The following ARHGAP15 variants were observed in gnomAD, a reference collection of about 807,000 sequenced individuals.
ARHGAP15 encodes rho GTPase-activating protein 15.
In ARHGAP15, 51 loss-of-function variants were observed where a neutral mutation model predicts 63.7. The ratio of observed to expected loss-of-function variants is 0.80; its 90% CI spans 0.64 to 1.01. The LOEUF is 1.01. ARHGAP15 is among the 50% of genes least tolerant of loss of function. ARHGAP15 has a pLI of 0.00. For missense variants in ARHGAP15, 560 were observed against 564.6 expected (o/e 0.99, Z 0.08); for synonymous variants, 191 against 193.8 (o/e 0.99, Z 0.12).
At chr2:143,752,459 C>T (rs1686416109) in intron 13 of ARHGAP15, among the ~76,000 whole-genome samples, 1 of 152,176 alleles carries the variant, frequency 6.6e-6, no homozygotes, top group Admixed American at 6.5e-5. Flanking sequence ...TGAGTTTTCA[C>T]AATTGGGCTG....
chr2:143,193,068 A>G (rs566641705), intron 2 of ARHGAP15, among the ~76,000 whole-genome samples: 4 of 152,344 alleles, frequency 2.6e-5, no homozygotes, highest in African/African-American at 9.6e-5. Context: ...ACATTTGGAC[A>G]TACCTGTACA....
chr2:143,261,648 G>T (rs541242149), intron 6 of ARHGAP15, among the ~76,000 whole-genome samples: 2 of 151,950 alleles, frequency 1.3e-5, no homozygotes, highest in African/African-American at 4.8e-5. Context: ...GTGCCTGGCC[G>T]ACCCTTTTCG....
chr2:143,438,503 TAA>T (rs927231601), intron 8 of ARHGAP15, among the ~76,000 whole-genome samples: 7 of 152,290 alleles, frequency 4.6e-5, no homozygotes, highest in African/African-American at 1.7e-4. Context: ...CTTTTGAAAT[TAA>T]GTCTTTATGC....
chr2:143,358,946 A>C (rs931262452), intron 6 of ARHGAP15, among the ~76,000 whole-genome samples: 1 of 151,990 alleles, frequency 6.6e-6, no homozygotes, highest in Non-Finnish European at 1.5e-5. Flanking sequence ...CCAACTGATA[A>C]AATGCATACA....
At chr2:143,644,236 G>T (rs1364594370) in intron 12 of ARHGAP15, among the ~76,000 whole-genome samples, 1 of 152,064 alleles carries the variant, frequency 6.6e-6, no homozygotes, top group Non-Finnish European at 1.5e-5. Context: ...AATGGTAATA[G>T]ACTGGGGGTA....
chr2:143,321,625 G>A (rs946379441), intron 6 of ARHGAP15, among the ~76,000 whole-genome samples: 1 of 152,230 alleles, frequency 6.6e-6, no homozygotes, highest in Non-Finnish European at 1.5e-5. Context: ...AGAAGGGCCT[G>A]GGCCCCATAA....
intron 11 of ARHGAP15, among the ~76,000 whole-genome samples, chr2:143,621,323 T>A (rs999115871): frequency 1.2e-4 from 18 of 152,266 alleles, no homozygotes; most frequent in African/African-American, 3.9e-4. Flanking sequence ...AGAAAATGCT[T>A]ATCAAATAAT....
At position 143,221,545 on chromosome 2, in the gene ARHGAP15, C is replaced by T. The variant is rs78383378; in HGVS notation, c.296+5100C>T. Among the ~76,000 whole-genome samples, 1,445 of 152,222 alleles carry T rather than the reference C, an allele frequency of 9.5e-3. 31 individuals carry two copies. Among genetic ancestry groups the T allele is most frequent in the African/African-American group, 0.033 (1,370 of 41,518 alleles). On this transcript the variant is annotated intron_variant, in intron 4 of 13. Coordinates refer to ENST00000295095, the MANE Select transcript of ARHGAP15 (RefSeq NM_018460.4). ...AGGAATTTCTTCATTTGGGGAATTC[C>T]GTCCCCAAACCTGTAAGTAACCCTG... is the stretch of plus-strand genomic sequence containing the variant.
chr2:143,410,467 C>A (rs1347414780), intron 6 of ARHGAP15, among the ~76,000 whole-genome samples: 4 of 152,284 alleles, frequency 2.6e-5, no homozygotes, highest in Middle Eastern at 6.8e-3. Flanking sequence ...TACCTATAGT[C>A]TATCCTGGAG....
At position 143,546,464 on chromosome 2, in the gene ARHGAP15, A is replaced by G. The variant is rs192465254; in HGVS notation, c.926-9944A>G. ...AGTCTCTTGCTAAAATTAAAAAAAA[A>G]AGTGTATGTAGGCACAGAGTACAGA... is the stretch of plus-strand genomic sequence containing the variant. On this transcript the variant is annotated intron_variant, in intron 10 of 13. Coordinates refer to ENST00000295095, the MANE Select transcript of ARHGAP15 (RefSeq NM_018460.4). 8.4e-3 allele frequency among the ~76,000 whole-genome samples: 1,273 copies of G among 152,226 alleles called. 9 individuals carry two copies. Among genetic ancestry groups the G allele is most frequent in the Non-Finnish European group, 0.012 (813 of 67,996 alleles).
chr2:143,527,244 A>G (rs1694319049), intron 10 of ARHGAP15, among the ~76,000 whole-genome samples: 1 of 152,090 alleles, frequency 6.6e-6, no homozygotes, highest in Admixed American at 6.6e-5. Context: ...ACAGTGGTCT[A>G]TATGAATGAA....
chr2:143,695,830 C>A (rs560680698), intron 12 of ARHGAP15, among the ~76,000 whole-genome samples: 1 of 151,576 alleles, frequency 6.6e-6, no homozygotes, highest in East Asian at 1.9e-4. Context: ...CCACTGCACT[C>A]CAGCCTGGGT....
intron 9 of ARHGAP15, among the ~76,000 whole-genome samples, chr2:143,508,981 A>G (rs185513748): frequency 9.8e-5 from 15 of 152,324 alleles, no homozygotes; most frequent in Admixed American, 5.2e-4. Context: ...AGGGCTGGGA[A>G]GAACTTTTCT....
At chr2:143,204,459 C>T (rs546950520) in intron 3 of ARHGAP15, among the ~76,000 whole-genome samples, 143 of 152,144 alleles carry the variant, frequency 9.4e-4, no homozygotes, top group African/African-American at 3.4e-3. Flanking sequence ...TATCCTCACA[C>T]GGCAAAAAGA....
chr2:143,509,544 A>AT (rs780685570), intron 9 of ARHGAP15, among the ~76,000 whole-genome samples: 2 of 152,168 alleles, frequency 1.3e-5, no homozygotes, highest in East Asian at 1.9e-4. Context: ...CATTAGGCGT[A>AT]TTTTTTCTGT....
chr2:143,677,972 C>T (rs188315080), intron 12 of ARHGAP15, among the ~76,000 whole-genome samples: 99 of 152,264 alleles, frequency 6.5e-4, no homozygotes, highest in Non-Finnish European at 1.1e-3. Context: ...CTTTGGGAGG[C>T]CAAGGCGGGC....
At chr2:143,475,011 G>T (rs1458772043) in intron 8 of ARHGAP15, among the ~76,000 whole-genome samples, 1 of 152,114 alleles carries the variant, frequency 6.6e-6, no homozygotes, top group East Asian at 1.9e-4. Context: ...TCACACACAT[G>T]GTGACCACCA....
chr2:143,136,192 A>G (rs754173956), intron 1 of ARHGAP15, among the ~76,000 whole-genome samples: 1 of 152,112 alleles, frequency 6.6e-6, no homozygotes, highest in African/African-American at 2.4e-5. Context: ...CCAAAGTTTC[A>G]TCTAGTTTAT....
At chr2:143,696,686 T>C (rs1683862318) in intron 12 of ARHGAP15, among the ~76,000 whole-genome samples, 1 of 152,182 alleles carries the variant, frequency 6.6e-6, no homozygotes, top group Non-Finnish European at 1.5e-5. Flanking sequence ...GTTCCCATTT[T>C]TTAAATTCTT....
Sources: gnomAD v4.1 joint callset for allele counts (sites outside exome capture counted in the v4.1 genomes callset) on GRCh38, gnomAD v4.1.1 for gene constraint, MANE v1.5 for transcripts, NCBI Gene and HGNC (gene_info 2026-07-23, HGNC 2026-07-21) for gene names.